TEAD3: variants seen among roughly 807,000 people sequenced by gnomAD.
TEAD3 encodes the protein transcriptional enhancer factor TEF-5.
In TEAD3, 15 loss-of-function variants were observed where a neutral mutation model predicts 55.6. The ratio of observed to expected loss-of-function variants is 0.27; its 90% CI spans 0.18 to 0.42. The LOEUF (loss-of-function observed/expected upper bound fraction) is 0.42, where lower values mean the gene tolerates loss of function less well. Among genes scored for constraint, TEAD3 ranks in the 10% least tolerant of loss-of-function variants. The probability of loss-of-function intolerance (pLI) is 1.00; values close to 1 mark genes in which losing one functional copy is unlikely to be tolerated. For synonymous variants in TEAD3, 210 were observed against 232.2 expected (o/e 0.90, Z 0.87); for missense variants, 407 against 576.8 (o/e 0.71, Z 3.01).
chr6:35,494,029 C>G (rs1768589978), intron 1 of TEAD3, among the ~76,000 whole-genome samples: 1 of 152,222 alleles, frequency 6.6e-6, no homozygotes, highest in Admixed American at 6.5e-5. Flanking sequence ...ACGTGTATAT[C>G]TGTCACACAC....
At position 35,478,261 on chromosome 6, in the gene TEAD3, G is replaced by A. The variant is rs140785112; in HGVS notation, c.530+14C>T. On this transcript the variant is annotated intron_variant, in intron 7 of 12. Transcript: ENST00000639578. Reference sequence around the variant, plus strand: ...GGAGGAAGAGGGCGTGGGATGATGAGCCACAATACTCACTCCTGAGAGGGT... The same window carrying A: ...GGAGGAAGAGGGCGTGGGATGATGAACCACAATACTCACTCCTGAGAGGGT... 1 of 1,613,028 alleles carries A rather than the reference G, an allele frequency of 6.2e-7. No homozygotes were observed. The highest frequency in any genetic ancestry group is 8.5e-7 in the Non-Finnish European group (1 of 1,179,852).
At chr6:35,493,476 C>A (rs890827590) in intron 1 of TEAD3, among the ~76,000 whole-genome samples, 2 of 152,146 alleles carry the variant, frequency 1.3e-5, no homozygotes, top group Non-Finnish European at 2.9e-5. Context: ...ATCAGTCACG[C>A]CCCACGGTTT....
intron 1 of TEAD3, among the ~76,000 whole-genome samples, chr6:35,487,820 G>A (rs1308393090): frequency 1.3e-5 from 2 of 152,214 alleles, no homozygotes; most frequent in Non-Finnish European, 2.9e-5. Context: ...ATCCAGAGAT[G>A]AAAACTAAGG....
In TEAD3 at chr6:35,480,292, C is replaced by T; in HGVS notation, c.268-170G>A. The T allele has an allele frequency of 1.9e-6, 3 of 1,612,606 alleles. No individual in the cohort carries two copies. The highest frequency in any genetic ancestry group is 2.5e-6 in the Non-Finnish European group (3 of 1,179,306). ...AGGGGCCCAGGAGGGCTGAAGGCCC[C>T]CGCCAGGCACCCAACATACCTTGAT... On this transcript the variant is annotated intron_variant, in intron 3 of 12. Coordinates refer to ENST00000639578, the Ensembl canonical transcript of TEAD3.
At chr6:35,474,947 G>A (rs1481313198) in exon 13 of TEAD3, 2 of 1,056,552 alleles carry the variant, frequency 1.9e-6, no homozygotes, top group Non-Finnish European at 2.7e-6. Context: ...GGCCTGGCAG[G>A]TAGATGAATC....
chr6:35,476,023 C>T, exon 10 of TEAD3: 1 of 1,564,342 alleles, frequency 6.4e-7, no homozygotes. Context: ...CGCACATCTA[C>T]TGCCTCCAGG....
intron 1 of TEAD3, among the ~76,000 whole-genome samples, chr6:35,489,851 T>C (rs1322810023): frequency 1.3e-5 from 2 of 152,024 alleles, no homozygotes; most frequent in African/African-American, 2.4e-5. Context: ...CTGGACAACA[T>C]AGTGAAAACC....
At chr6:35,478,734 G>C (rs1215114858) in intron 5 of TEAD3, among the ~76,000 whole-genome samples, 163 bp from the exon 6 acceptor site, 1 of 152,184 alleles carries the variant, frequency 6.6e-6, no homozygotes, top group Non-Finnish European at 1.5e-5. Context: ...GTGATCTTGG[G>C]AGAGTCTCTG....
chr6:35,476,246 C>T, intron 9 of TEAD3, 56 bp downstream of exon 9: 1 of 1,578,906 alleles, frequency 6.3e-7, no homozygotes. Flanking sequence ...CCTGGATCAC[C>T]CGGCCGGCCT....
At chr6:35,490,545 C>T (rs999028847) in intron 1 of TEAD3, among the ~76,000 whole-genome samples, 4 of 152,270 alleles carry the variant, frequency 2.6e-5, no homozygotes, top group Non-Finnish European at 5.9e-5. Flanking sequence ...TGCGAGTGCT[C>T]GGGAGGACAA....
At position 35,485,743 on chromosome 6, in the gene TEAD3, C is replaced by G. The variant is rs1483229853; in HGVS notation, c.202+718G>C. Among the ~76,000 whole-genome samples, 3 of 152,170 alleles carry G rather than the reference C, an allele frequency of 2.0e-5. No individual in the cohort carries two copies. The highest frequency in any genetic ancestry group is 7.2e-5 in the African/African-American group (3 of 41,452). ...GCTGGGTGGGCGTGGCCAAGGGACA[C>G]GGAGCGGACCTGATCCCTTCCCACA... On this transcript the variant is annotated intron_variant, in intron 2 of 12. Coordinates refer to ENST00000639578, the Ensembl canonical transcript of TEAD3. This position sits in a 1 kb window ranked among gnomAD's most constrained non-coding sequence, Gnocchi z 4.3.
chr6:35,493,105 G>C (rs1246554386), intron 1 of TEAD3, among the ~76,000 whole-genome samples: 3 of 152,020 alleles, frequency 2.0e-5, no homozygotes, highest in Admixed American at 2.0e-4. Flanking sequence ...CCTTCCTCTC[G>C]CTCGCATACA....
intron 7 of TEAD3, 30 bp downstream of exon 7, chr6:35,478,245 G>A (rs984281669): frequency 1.2e-6 from 2 of 1,612,174 alleles, no homozygotes. Flanking sequence ...AGGAGGAAGA[G>A]GGCGTGGGAT....
intron 9 of TEAD3, 57 bp from the exon 10 acceptor site, chr6:35,476,149 C>T (rs898986915): frequency 1.3e-5 from 20 of 1,529,226 alleles, no homozygotes; most frequent in Middle Eastern, 1.8e-4. Flanking sequence ...GGCCCGGGGG[C>T]GGGGAAGGGA....
intron 9 of TEAD3, 25 bp from the exon 10 acceptor site, chr6:35,476,117 C>A: frequency 6.5e-7 from 1 of 1,542,400 alleles, no homozygotes; most frequent in Admixed American, 2.0e-5. Context: ...CAGACAGGGT[C>A]AGGAGAGTAC....
At position 35,478,877 on chromosome 6, in the gene TEAD3, CTTTTTTTTT is replaced by C. The variant is rs67071124; in HGVS notation, c.343-315_343-307del. 7.9e-4 allele frequency among the ~76,000 whole-genome samples: 84 copies of C among 106,740 alleles called. No homozygotes were observed. The East Asian group carries it at 0.015, about 19-fold the overall frequency. The allele number at this position is 106,740 out of a possible 152,430, so 70.0% of individuals were successfully genotyped here. ...TGTATGTCATGTACTCTCCTATTTT[CTTTTTTTTT>C]TTTTTTTTTTTGAGACGGAGTCTCG... On this transcript the variant is annotated intron_variant, in intron 5 of 12. Coordinates refer to ENST00000639578, the Ensembl canonical transcript of TEAD3.
In TEAD3 at chr6:35,475,990, C is replaced by T; in HGVS notation, c.829G>A (p.Glu277Lys). ...AGCTCCTTCAATCCTCCCTTTTTCT[C>T]GGGGAATTTGTCATAGATCTGGCGC... The change falls in exon 10 of 13, where the codon GAG becomes AAG. Residue 277 changes from glutamate (E) to lysine (K), a missense_variant. Coordinates refer to ENST00000639578, the Ensembl canonical transcript of TEAD3. This position sits in a 1 kb window ranked among gnomAD's most constrained non-coding sequence, Gnocchi z 5.4. 1.3e-6 allele frequency: 2 copies of T among 1,563,412 alleles called. No homozygotes were observed. The highest frequency in any genetic ancestry group is 1.7e-6 in the Non-Finnish European group (2 of 1,156,540).
exon 13 of TEAD3, chr6:35,474,998 A>C (rs758194210): frequency 7.0e-7 from 1 of 1,438,056 alleles, no homozygotes; most frequent in Non-Finnish European, 9.4e-7. Context: ...GCAGGTGTGG[A>C]GAGGAGATGC....
Position 35,486,783 on chromosome 6 carries a change from CT to C in TEAD3, c.-49-73del. 8 of 1,124,614 alleles carry C rather than the reference CT, an allele frequency of 7.1e-6. No homozygotes were observed. Among genetic ancestry groups the C allele is most frequent in the African/African-American group, 1.5e-5 (1 of 64,766 alleles). The allele number at this position is 1,124,614 out of a possible 1,614,324, so 69.7% of individuals were successfully genotyped here. A position where few individuals can be genotyped will look rare whatever the true frequency, so the allele number is the denominator to read the frequency against. On this transcript the variant is annotated intron_variant, in intron 1 of 12. Transcript: ENST00000639578. This position sits in a 1 kb window ranked among gnomAD's most constrained non-coding sequence, Gnocchi z 7.3. The stretch of plus-strand genomic sequence containing the variant: ...ACAGCAATCTCCTATCCCACAGCCG[CT>C]GGCTCTGGAGCTCCGCCCCCAGCCC...
Sources: gnomAD v4.1 joint callset for allele counts (sites outside exome capture counted in the v4.1 genomes callset) on GRCh38, gnomAD v4.1.1 for gene constraint, Gnocchi (gnomAD v3.1) non-coding constraint, MANE v1.5 for transcripts, NCBI Gene and HGNC (gene_info 2026-07-23, HGNC 2026-07-21) for gene names.